IGF2BP2: variants seen among roughly 807,000 people sequenced by gnomAD.
The protein encoded by IGF2BP2 is insulin like growth factor 2 mRNA binding protein 2, also known as insulin-like growth factor 2 mRNA-binding protein 2.
A neutral mutation model predicts 75.8 loss-of-function variants in IGF2BP2; 17 were observed. The observed-to-expected ratio is 0.22, with a 90% CI of 0.15 to 0.34. The LOEUF is 0.34. Among genes scored for constraint, IGF2BP2 ranks in the 10% least tolerant of loss-of-function variants. The probability of loss-of-function intolerance (pLI) is 1.00; values close to 1 mark genes in which losing one functional copy is unlikely to be tolerated. For missense variants in IGF2BP2, 516 were observed against 772.4 expected, an observed-to-expected ratio of 0.67 and a Z score of 3.93; for synonymous variants, 288 against 295.6, an observed-to-expected ratio of 0.97 and a Z score of 0.26.
intron 6 of IGF2BP2, among the ~76,000 whole-genome samples, chr3:185,687,574 G>C (rs1721319661): frequency 6.6e-6 from 1 of 152,232 alleles, no homozygotes; most frequent in Admixed American, 6.5e-5. Context: ...TCTCTGAACT[G>C]ATTGCAGCTT....
At chr3:185,686,384 TA>T (rs577060293) in intron 7 of IGF2BP2, among the ~76,000 whole-genome samples, 369 of 137,082 alleles carry the variant, frequency 2.7e-3, no homozygotes, top group Middle Eastern at 3.8e-3. Context: ...GACTCTGTCT[TA>T]AAAAAAAAAA....
At chr3:185,661,735 G>C (rs1716483557) in intron 10 of IGF2BP2, among the ~76,000 whole-genome samples, 1 of 151,908 alleles carries the variant, frequency 6.6e-6, no homozygotes, top group Non-Finnish European at 1.5e-5. Flanking sequence ...AGACAGTAAT[G>C]GTCACTGTCA....
intron 14 of IGF2BP2, among the ~76,000 whole-genome samples, chr3:185,649,120 T>C (rs777374291): frequency 5.3e-5 from 8 of 151,130 alleles, no homozygotes; most frequent in Non-Finnish European, 1.2e-4. Context: ...GACCATGGAG[T>C]CAAGATGGGT....
chr3:185,654,820 T>C (rs1715169893), intron 12 of IGF2BP2, among the ~76,000 whole-genome samples: 1 of 152,216 alleles, frequency 6.6e-6, no homozygotes. Context: ...TCTGGAAGCC[T>C]GTTCTACAGG....
At chr3:185,666,949 C>T (rs1292936620) in intron 10 of IGF2BP2, among the ~76,000 whole-genome samples, 1 of 152,014 alleles carries the variant, frequency 6.6e-6, no homozygotes, top group African/African-American at 2.4e-5. Flanking sequence ...TTTGATTTTC[C>T]CAAGCATAGT....
intron 2 of IGF2BP2, among the ~76,000 whole-genome samples, chr3:185,778,116 G>A (rs889493388): frequency 1.3e-5 from 2 of 152,014 alleles, no homozygotes; most frequent in African/African-American, 4.8e-5. Context: ...TCATTTTACA[G>A]TAATTTATAT....
chr3:185,671,893 T>C (rs1227617135), intron 10 of IGF2BP2, among the ~76,000 whole-genome samples: 1 of 152,204 alleles, frequency 6.6e-6, no homozygotes, highest in African/African-American at 2.4e-5. Context: ...AAAAAAGCTG[T>C]CAAGTATCCT....
chr3:185,777,842 G>A (rs1734708766), intron 2 of IGF2BP2, among the ~76,000 whole-genome samples: 2 of 152,080 alleles, frequency 1.3e-5, no homozygotes, highest in Non-Finnish European at 2.9e-5. Flanking sequence ...AGGAGGTCGA[G>A]ACCAACCCGG....
rs750625947 is a variant in IGF2BP2 at position 185,689,643 on chromosome 3, A to T, written c.405-16T>A. The T allele has an allele frequency of 6.2e-7, 1 of 1,613,946 alleles. No homozygotes were observed. Among genetic ancestry groups the T allele is most frequent in the Non-Finnish European group, 8.5e-7 (1 of 1,179,874 alleles). Reference sequence around the variant, plus strand: ...CTCCATGGCTCTGAAATGCAGCAGGACAGGGGAGCTTCGTCAGAAACCAAC... The same window carrying T: ...CTCCATGGCTCTGAAATGCAGCAGGTCAGGGGAGCTTCGTCAGAAACCAAC... On this transcript the variant is annotated splice_polypyrimidine_tract_variant and intron_variant, in intron 5 of 15. Transcript: ENST00000382199.
chr3:185,816,221 A>T (rs567163362), intron 2 of IGF2BP2, among the ~76,000 whole-genome samples: 17 of 152,314 alleles, frequency 1.1e-4, no homozygotes, highest in Non-Finnish European at 2.2e-4. Context: ...TGTTGAAAGA[A>T]ATGTTTGTCT....
chr3:185,824,990 C>T lies in IGF2BP2; in HGVS notation c.-30G>A, dbSNP rs752610906. On this transcript the variant is annotated 5_prime_UTR_variant, in exon 1 of 16. Transcript: ENST00000382199. ...CTCTTCCCCGAGAGCCCGCGGCTCC[C>T]CCGGCCCGGTACCCGGCGCTCCTCG... 3 of 1,459,956 alleles carry T rather than the reference C, an allele frequency of 2.1e-6. No homozygotes were observed. The highest frequency in any genetic ancestry group is 2.8e-6 in the Non-Finnish European group (3 of 1,088,338). 90.4% of individuals were successfully genotyped at this position (1,459,956 alleles called of 1,614,324 possible).
rs1299835686 is a variant in IGF2BP2 at position 185,755,613 on chromosome 3, C to T, written c.240-57266G>A. 2.6e-5 allele frequency among the ~76,000 whole-genome samples: 4 copies of T among 152,336 alleles called. No homozygotes were observed. In the East Asian group the frequency reaches 5.8e-4, roughly 22 times the overall value. On this transcript the variant is annotated intron_variant, in intron 2 of 15. Coordinates refer to ENST00000382199, the MANE Select transcript of IGF2BP2 (RefSeq NM_006548.6). ...GCTCAGGGAAGCCACGAGGGCAGGG[C>T]TGCCCAAGGCCTTGGGAGTCCACCT...
intron 7 of IGF2BP2, among the ~76,000 whole-genome samples, chr3:185,677,050 T>TAG (rs1719581262): frequency 2.1e-5 from 1 of 47,976 alleles, no homozygotes; most frequent in Non-Finnish European, 3.9e-5. Context: ...TGGAGATATA[T>TAG]ATATATATAT....
At chr3:185,730,150 G>C (rs955409773) in intron 2 of IGF2BP2, among the ~76,000 whole-genome samples, 2 of 152,076 alleles carry the variant, frequency 1.3e-5, no homozygotes, top group African/African-American at 4.8e-5. Context: ...TGTGTTCCCA[G>C]TGTCTGCTAT....
At chr3:185,738,593 C>T (rs1354555931) in intron 2 of IGF2BP2, among the ~76,000 whole-genome samples, 1 of 152,142 alleles carries the variant, frequency 6.6e-6, no homozygotes, top group African/African-American at 2.4e-5. Flanking sequence ...CACTACCATC[C>T]TCTCTCAGAA....
At chr3:185,694,363 G>A (rs1722317810) in intron 4 of IGF2BP2, among the ~76,000 whole-genome samples, 1 of 152,188 alleles carries the variant, frequency 6.6e-6, no homozygotes, top group South Asian at 2.1e-4. Context: ...TATCCATTAG[G>A]ATTCTCAGAT....
intron 2 of IGF2BP2, among the ~76,000 whole-genome samples, chr3:185,751,811 A>C (rs534909316): frequency 8.6e-5 from 13 of 151,702 alleles, no homozygotes; most frequent in Non-Finnish European, 1.5e-5. Flanking sequence ...ACAAATACAA[A>C]AATTAGCTGG....
chr3:185,657,912 T>C (rs1715715786), intron 11 of IGF2BP2, among the ~76,000 whole-genome samples: 1 of 152,174 alleles, frequency 6.6e-6, no homozygotes. Context: ...CCATCCCTCC[T>C]GGGACCCTGT....
At chr3:185,795,620 T>A (rs1185594680) in intron 2 of IGF2BP2, among the ~76,000 whole-genome samples, 2 of 152,112 alleles carry the variant, frequency 1.3e-5, no homozygotes, top group Non-Finnish European at 2.9e-5. Flanking sequence ...AGTGGGTCAG[T>A]CTGTAATCCC....
Sources: gnomAD v4.1 joint callset for allele counts (sites outside exome capture counted in the v4.1 genomes callset) on GRCh38, gnomAD v4.1.1 for gene constraint, MANE v1.5 for transcripts, NCBI Gene and HGNC (gene_info 2026-07-23, HGNC 2026-07-21) for gene names.